The following PPFIBP2 variants were observed in gnomAD, a reference collection of about 807,000 sequenced individuals.
The protein encoded by PPFIBP2 is liprin-beta-2.
A neutral mutation model predicts 118.3 loss-of-function variants in PPFIBP2; 118 were observed. The ratio of observed to expected loss-of-function variants is 1.00; its 90% CI spans 0.86 to 1.16. The LOEUF (loss-of-function observed/expected upper bound fraction) is 1.16, where lower values mean the gene tolerates loss of function less well. PPFIBP2 is among the 50% of genes most tolerant of loss of function. PPFIBP2 has a pLI of 0.00. For missense variants in PPFIBP2, 1,195 were observed against 1,073.1 expected, an observed-to-expected ratio of 1.11 and a Z score of -1.59; for synonymous variants, 414 against 397.4, an observed-to-expected ratio of 1.04 and a Z score of -0.50.
At chr11:7,549,062 T>C (rs1332258892) in intron 1 of PPFIBP2, among the ~76,000 whole-genome samples, 11 of 152,196 alleles carry the variant, frequency 7.2e-5, no homozygotes, top group Admixed American at 7.2e-4. Flanking sequence ...GCCCTGACAG[T>C]GTCCCTGTTA....
intron 16 of PPFIBP2, chr11:7,642,006 A>G: frequency 2.4e-6 from 1 of 415,108 alleles, no homozygotes; most frequent in African/African-American, 2.0e-5. Flanking sequence ...TGCTGGCCCA[A>G]CTGATCCACT....
chr11:7,664,515 C>A, the PPFIBP2 span, among the ~76,000 whole-genome samples: 1 of 152,158 alleles, frequency 6.6e-6, no homozygotes, highest in African/African-American at 2.4e-5. Flanking sequence ...GTAGATGCAC[C>A]CCTTCTGTAG....
intron 4 of PPFIBP2, among the ~76,000 whole-genome samples, chr11:7,597,019 C>G (rs957627332): frequency 2.0e-5 from 3 of 152,240 alleles, no homozygotes; most frequent in African/African-American, 7.2e-5. Flanking sequence ...AGCACAATAA[C>G]CTTTCTGGAG....
chr11:7,602,009 C>T (rs1363490234), intron 5 of PPFIBP2, among the ~76,000 whole-genome samples: 9 of 147,218 alleles, frequency 6.1e-5, no homozygotes, highest in African/African-American at 2.0e-4. Context: ...AGGAGAATCG[C>T]TGGAACCCGA....
intron 3 of PPFIBP2, among the ~76,000 whole-genome samples, chr11:7,582,440 A>G (rs1232961936): frequency 6.6e-6 from 1 of 152,108 alleles, no homozygotes; most frequent in Admixed American, 6.5e-5. Context: ...GACATCCAGC[A>G]CCTGTAACTC....
At chr11:7,662,277 G>A in the PPFIBP2 span, among the ~76,000 whole-genome samples, 71 of 152,290 alleles carry the variant, frequency 4.7e-4, 1 homozygote, top group South Asian at 8.9e-3. Flanking sequence ...ATTTTGCAGC[G>A]ACTGGTACCG....
chr11:7,517,519 G>A (rs1350311087), intron 1 of PPFIBP2, among the ~76,000 whole-genome samples: 4 of 151,418 alleles, frequency 2.6e-5, no homozygotes, highest in African/African-American at 9.7e-5. Context: ...GAAGTGGAGA[G>A]TAGTGTGGAG....
intron 2 of PPFIBP2, 56 bp downstream of exon 2, chr11:7,549,595 C>T: frequency 2.2e-6 from 3 of 1,345,840 alleles, no homozygotes; most frequent in South Asian, 3.2e-5. Flanking sequence ...CCAGGAACTG[C>T]TTCTCTCCTT....
chr11:7,618,833 C>T (rs1026445912), intron 6 of PPFIBP2, among the ~76,000 whole-genome samples: 1 of 151,044 alleles, frequency 6.6e-6, no homozygotes, highest in African/African-American at 2.4e-5. Flanking sequence ...CCACCCACCT[C>T]GGCTTCCCAA....
chr11:7,573,241 C>T (rs1308451333), intron 3 of PPFIBP2, among the ~76,000 whole-genome samples: 2 of 152,204 alleles, frequency 1.3e-5, no homozygotes, highest in African/African-American at 4.8e-5. Flanking sequence ...AGAACCCCCT[C>T]AGGTCCAGGC....
intron 1 of PPFIBP2, among the ~76,000 whole-genome samples, chr11:7,532,688 G>A (rs1017338893): frequency 1.3e-5 from 2 of 152,224 alleles, no homozygotes; most frequent in African/African-American, 4.8e-5. Context: ...GGCCTTCGGG[G>A]GAAGCCTCCT....
At chr11:7,607,242 C>G (rs1315708655) in intron 5 of PPFIBP2, among the ~76,000 whole-genome samples, 1 of 141,198 alleles carries the variant, frequency 7.1e-6, no homozygotes, top group Admixed American at 7.3e-5. Context: ...CAGGGTCTCA[C>G]TGTCGCCTAG....
intron 11 of PPFIBP2, among the ~76,000 whole-genome samples, chr11:7,631,492 C>T (rs1027273510): frequency 2.0e-5 from 3 of 152,012 alleles, no homozygotes; most frequent in Non-Finnish European, 2.9e-5. Context: ...TTGACAGATA[C>T]GCCCTTCAGC....
chr11:7,615,804 GA>G (rs1418294608), intron 6 of PPFIBP2, among the ~76,000 whole-genome samples: 3 of 152,164 alleles, frequency 2.0e-5, no homozygotes, highest in African/African-American at 7.2e-5. Context: ...AGTGAGCATG[GA>G]AAAACTAGGC....
chr11:7,649,861 C>A (rs1853711701), intron 21 of PPFIBP2, among the ~76,000 whole-genome samples: 1 of 152,206 alleles, frequency 6.6e-6, no homozygotes, highest in African/African-American at 2.4e-5. Flanking sequence ...TCTAAGCTCC[C>A]ACCCTCCACT....
rs1257747673 is a variant in PPFIBP2, at chr11:7,649,255, A to C, written c.1998+20A>C. On this transcript the variant is annotated intron_variant, in intron 20 of 23. Coordinates refer to ENST00000299492, the MANE Select transcript of PPFIBP2 (RefSeq NM_003621.5). ...ACTGTGGTGAGGACTTTTTCTTTAA[A>C]TATTTCAGTTGTCCCTGTGAGCACT... The C allele has an allele frequency of 6.3e-7, 1 of 1,596,808 alleles. No individual in the cohort carries two copies.
Position 7,649,580 on chromosome 11 carries a change from A to T in PPFIBP2, c.2047A>T (p.Ile683Phe). 1 of 1,614,224 alleles carries T rather than the reference A, an allele frequency of 6.2e-7. No homozygotes were observed. Among genetic ancestry groups the T allele is most frequent in the Non-Finnish European group, 8.5e-7 (1 of 1,180,042 alleles). Residue 683 changes from isoleucine to phenylalanine, a missense_variant, in exon 21 of 24, where the codon ATC (isoleucine) becomes TTC (phenylalanine). Coordinates refer to ENST00000299492, the MANE Select transcript of PPFIBP2 (RefSeq NM_003621.5). ...CACCAGCCAACTACATCATCTCAGC[A>T]TCAAATGTGCCATTCACGTGCTGCA... ...KVTSQLHHLS[I>F]KCAIHVLHVN...
At chr11:7,666,113 G>C in the PPFIBP2 span, 1 of 622,392 alleles carries the variant, frequency 1.6e-6, no homozygotes, top group Non-Finnish European at 2.9e-6. Flanking sequence ...AGGGTGAGTG[G>C]TGAAGGGGTC....
intron 3 of PPFIBP2, chr11:7,572,069 G>A (rs1425085421): frequency 6.6e-6 from 1 of 152,206 alleles, no homozygotes; most frequent in African/African-American, 2.4e-5. Flanking sequence ...TCAAGAGAGG[G>A]CTCCACTGTT....
Sources: gnomAD v4.1 joint callset for allele counts (sites outside exome capture counted in the v4.1 genomes callset) on GRCh38, gnomAD v4.1.1 for gene constraint, MANE v1.5 for transcripts, NCBI Gene and HGNC (gene_info 2026-07-23, HGNC 2026-07-21) for gene names.